The following ZNF292 variants were observed in gnomAD, a reference collection of about 807,000 sequenced individuals.
ZNF292 encodes the protein 16 zinc-finger domain protein.
Under a neutral mutation model 217.9 loss-of-function variants are expected in ZNF292, and 26 were observed. That is an observed-to-expected ratio of 0.12 (90% CI 0.09 to 0.17). The LOEUF is 0.17. Ranked by LOEUF, ZNF292 falls within the 10% of genes least tolerant of loss-of-function variation. ZNF292 has a pLI of 1.00. For missense variants in ZNF292, 2,904 were observed against 3,175.2 expected, an observed-to-expected ratio of 0.91 and a Z score of 2.05; for synonymous variants, 1,257 against 1,124.1, an observed-to-expected ratio of 1.12 and a Z score of -2.37.
intron 1 of ZNF292, among the ~76,000 whole-genome samples, chr6:87,164,695 A>G (rs1412187369): frequency 2.0e-5 from 3 of 151,586 alleles, no homozygotes. Flanking sequence ...TCTGATCTCA[A>G]TCTCTAAATA....
intron 7 of ZNF292, among the ~76,000 whole-genome samples, chr6:87,252,107 C>T (rs949805055): frequency 6.6e-6 from 1 of 151,802 alleles, no homozygotes; most frequent in Non-Finnish European, 1.5e-5. Context: ...TCCAGAAATC[C>T]TTCATTCTCT....
intron 1 of ZNF292, among the ~76,000 whole-genome samples, chr6:87,195,688 A>T (rs1321728748): frequency 1.3e-5 from 2 of 152,160 alleles, no homozygotes; most frequent in Non-Finnish European, 2.9e-5. Flanking sequence ...AAAATACAAA[A>T]AATAGAAAAT....
At chr6:87,251,243 C>G (rs1416350126) in intron 7 of ZNF292, among the ~76,000 whole-genome samples, 1 of 152,140 alleles carries the variant, frequency 6.6e-6, no homozygotes, top group African/African-American at 2.4e-5. Flanking sequence ...GTATTCCACA[C>G]TAAGGTTTAT....
At chr6:87,207,561 A>G (rs1772297836) in intron 1 of ZNF292, among the ~76,000 whole-genome samples, 1 of 152,178 alleles carries the variant, frequency 6.6e-6, no homozygotes, top group African/African-American at 2.4e-5. Flanking sequence ...CATATTCTTT[A>G]TTTCATGTGA....
chr6:87,264,834 AAGAT>A lies in ZNF292; in HGVS notation c.*3035_*3038del, dbSNP rs1160783013. The stretch of plus-strand genomic sequence containing the variant: ...CAATTTAATCAGTATCAGTTTTAGA[AAGAT>A]AATTGTCATGGTATAGTGGATAAAT... On this transcript the variant is annotated 3_prime_UTR_variant, in exon 8 of 8. Transcript: ENST00000369577. 2.0e-5 allele frequency among the ~76,000 whole-genome samples: 3 copies of A among 152,186 alleles called. No individual in the cohort carries two copies. The highest frequency in any genetic ancestry group is 7.2e-5 in the African/African-American group (3 of 41,440).
At position 87,261,221 on chromosome 6, in the gene ZNF292, AGAG is replaced by A; in HGVS notation, c.7593_7595del (p.Arg2532del). The stretch of plus-strand genomic sequence containing the variant: ...GAAAGACAAAAAGCAAGTAATTTGA[AGAG>A]AGTTAATAAGGAAAAAAATGTCTCA... On this transcript the variant is annotated inframe_deletion, in exon 8 of 8. Coordinates refer to ENST00000369577, the MANE Select transcript of ZNF292 (RefSeq NM_015021.3). 1 of 1,610,682 alleles carries A rather than the reference AGAG, an allele frequency of 6.2e-7. No homozygotes were observed. Among genetic ancestry groups the A allele is most frequent in the Non-Finnish European group, 8.5e-7 (1 of 1,179,000 alleles).
chr6:87,155,733 A>T lies in ZNF292; in HGVS notation c.142A>T (p.Thr48Ser). The change falls in exon 1 of 8, where the codon ACC (threonine) becomes TCC (serine). Residue 48 changes from threonine to serine, a missense_variant. By Grantham distance (58) the Thr-to-Ser change is moderately conservative. Coordinates refer to ENST00000369577, the MANE Select transcript of ZNF292 (RefSeq NM_015021.3). ...CCGGGTACCGGCCGTGGAAGCGGCC[A>T]CCGACTACTGTCAGCAGCTGTGCCA... is the stretch of plus-strand genomic sequence containing the variant. Reference protein sequence around the residue: ...ESRVPAVEAATDYCQQLCQTL... With the variant: ...ESRVPAVEAASDYCQQLCQTL... 6.2e-7 allele frequency: 1 copy of T among 1,600,126 alleles called. No homozygotes were observed. Among genetic ancestry groups the T allele is most frequent in the Non-Finnish European group, 8.5e-7 (1 of 1,175,042 alleles).
rs995591163 is a variant in ZNF292, at chr6:87,260,609, G to A, written c.6980G>A (p.Gly2327Glu). The A allele has an allele frequency of 6.2e-7, 1 of 1,612,438 alleles. No homozygotes were observed. Among genetic ancestry groups the A allele is most frequent in the African/African-American group, 1.3e-5 (1 of 74,696 alleles). Residue 2327 changes from glycine (G) to glutamate (E), a missense_variant, in exon 8 of 8, where the codon GGA becomes GAA. Physicochemically the swap from Gly to Glu is moderately conservative, Grantham distance 98. Around this residue, in one of 15 missense-constraint regions of ZNF292, gnomAD observed 101 missense variants for 89.5 expected, o/e 1.13. Transcript: ENST00000369577. ...GTKHSRCGKE[G>E]IKMPKTKRKK... ...AAGCACAGCAGATGTGGAAAGGAAG[G>A]AATAAAAATGCCCAAGACCAAACGA...
intron 1 of ZNF292, among the ~76,000 whole-genome samples, chr6:87,194,565 C>T (rs914029837): frequency 6.6e-6 from 1 of 151,862 alleles, no homozygotes; most frequent in African/African-American, 2.4e-5. Context: ...TCTGTAGCAC[C>T]AAATTTGAAA....
chr6:87,221,227 G>A (rs1773068981), intron 4 of ZNF292, among the ~76,000 whole-genome samples: 1 of 152,172 alleles, frequency 6.6e-6, no homozygotes, highest in South Asian at 2.1e-4. Context: ...CTAGAGTGAG[G>A]TAGCTCTAAT....
At position 87,262,146 on chromosome 6, in the gene ZNF292, ATACCTTT is replaced by A. The variant is rs879745388; in HGVS notation, c.*347_*353del. 2 of 160,468 alleles carry A rather than the reference ATACCTTT, an allele frequency of 1.2e-5. No individual in the cohort carries two copies. The highest frequency in any genetic ancestry group is 2.7e-5 in the Non-Finnish European group (2 of 73,724). 9.9% of individuals were successfully genotyped at this position (160,468 alleles called of 1,614,324 possible). Reference sequence around the variant, plus strand: ...GTATAACAGTACTCTTTATTTGTAGATACCTTTTTTGTATATATTTATTATTGTAAAT... The same window carrying A: ...GTATAACAGTACTCTTTATTTGTAGATTTGTATATATTTATTATTGTAAAT... On this transcript the variant is annotated 3_prime_UTR_variant, in exon 8 of 8. Coordinates refer to ENST00000369577, the MANE Select transcript of ZNF292 (RefSeq NM_015021.3).
In ZNF292 at chr6:87,155,643, T is replaced by C. The variant is rs765255396; in HGVS notation, c.52T>C (p.Cys18Arg). 2 of 1,582,504 alleles carry C rather than the reference T, an allele frequency of 1.3e-6. No individual in the cohort carries two copies. The highest frequency in any genetic ancestry group is 2.3e-5 in the South Asian group (2 of 86,638). ...GAGGTTGAGTTGCGGCGAAGGCGGC[T>C]GCGTCGCGGAGCTGCAGCGCCTGGG... ...QERLSCGEGG[C>R]VAELQRLGER... The change falls in exon 1 of 8, where the codon TGC becomes CGC. Residue 18 changes from cysteine (C) to arginine (R), a missense_variant. Physicochemically the swap from Cys to Arg is radical, Grantham distance 180. This residue lies in a region of ZNF292 where 66 missense variants were observed against 44.1 expected (regional missense o/e 1.50). Transcript: ENST00000369577.
At chr6:87,191,995 T>G (rs2127783250) in intron 1 of ZNF292, among the ~76,000 whole-genome samples, 1 of 152,268 alleles carries the variant, frequency 6.6e-6, no homozygotes, top group East Asian at 1.9e-4. Flanking sequence ...ACTGGGGAGG[T>G]TTGAGAATTT....
chr6:87,245,515 C>G lies in ZNF292; in HGVS notation c.891C>G (p.Leu297=). The G allele has an allele frequency of 5.9e-6, 9 of 1,517,194 alleles. No individual in the cohort carries two copies. The highest frequency in any genetic ancestry group is 7.9e-6 in the Non-Finnish European group (9 of 1,136,240). The allele number at this position is 1,517,194 out of a possible 1,614,324, so 94.0% of individuals were successfully genotyped here. The change falls in exon 7 of 8, where the codon CTC becomes CTG. Residue 297 remains leucine, a synonymous_variant. Transcript: ENST00000369577. ...TTTTTTTTTTAAGGGAACTTACTCTCTTTTGGAGTAAATTACAACAAAGAG... is the reference window on the plus strand; with the variant it reads ...TTTTTTTTTTAAGGGAACTTACTCTGTTTTGGAGTAAATTACAACAAAGAG... ...GDMYCAWELT[L]FWSKLQQRVE...
At chr6:87,236,695 A>T (rs1010952298) in intron 5 of ZNF292, among the ~76,000 whole-genome samples, 1 of 152,134 alleles carries the variant, frequency 6.6e-6, no homozygotes, top group African/African-American at 2.4e-5. Context: ...TTAAAATTTG[A>T]TATATAATCT....
Position 87,255,456 on chromosome 6 carries a change from G to C in ZNF292, c.1827G>C (p.Leu609Phe), listed in dbSNP as rs1476478494. ...CAGCTATGAAACCATTAAGAAGATT[G>C]GGAAGGCCTCCAAAGATCACAACTA... ...RLAAMKPLRRLGRPPKITTTN... is the reference protein window; with the variant it reads ...RLAAMKPLRRFGRPPKITTTN... Residue 609 changes from leucine (L) to phenylalanine (F), a missense_variant, in exon 8 of 8, where the codon TTG (leucine) becomes TTC (phenylalanine). By Grantham distance (22) the Leu-to-Phe change is conservative (BLOSUM62 0). Around this residue, in one of 15 missense-constraint regions of ZNF292, gnomAD observed 216 missense variants for 308.3 expected, o/e 0.70. Coordinates refer to ENST00000369577, the MANE Select transcript of ZNF292 (RefSeq NM_015021.3). 6.2e-7 allele frequency: 1 copy of C among 1,613,454 alleles called. No individual in the cohort carries two copies. Among genetic ancestry groups the C allele is most frequent in the East Asian group, 2.2e-5 (1 of 44,868 alleles).
intron 3 of ZNF292, 122 bp downstream of exon 3, chr6:87,216,499 C>A: frequency 1.5e-6 from 1 of 663,390 alleles, no homozygotes; most frequent in South Asian, 2.0e-5. Flanking sequence ...AATTACTGAT[C>A]TTATTGACAC....
intron 6 of ZNF292, among the ~76,000 whole-genome samples, 191 bp downstream of exon 6, chr6:87,243,802 C>T (rs903016466): frequency 6.6e-6 from 1 of 152,238 alleles, no homozygotes; most frequent in Admixed American, 6.5e-5. Flanking sequence ...GTATTAAAGG[C>T]CACACAATTC....
At chr6:87,232,481 A>C (rs1773703584) in intron 4 of ZNF292, among the ~76,000 whole-genome samples, 3 of 152,116 alleles carry the variant, frequency 2.0e-5, no homozygotes, top group Admixed American at 1.3e-4. Context: ...TTGTCAAATA[A>C]ATTTTTAAAC....
Sources: gnomAD v4.1 joint callset for allele counts (sites outside exome capture counted in the v4.1 genomes callset) on GRCh38, gnomAD v4.1.1 for gene constraint, gnomAD v4.1.1 regional missense constraint, MANE v1.5 for transcripts, NCBI Gene and HGNC (gene_info 2026-07-23, HGNC 2026-07-21) for gene names.